NAV2: variants seen among roughly 807,000 people sequenced by gnomAD.
NAV2 encodes the protein neuron navigator 2, also known as helicase, APC down-regulated 1.
NAV2 carries 54 observed loss-of-function variants against 223.2 expected under a neutral mutation model. That is an observed-to-expected ratio of 0.24 (90% CI 0.19 to 0.30). NAV2 has a LOEUF of 0.30. NAV2 is among the 10% of genes least tolerant of loss of function. The probability of loss-of-function intolerance (pLI) is 1.00; values close to 1 mark genes in which losing one functional copy is unlikely to be tolerated. For missense variants in NAV2, 2,806 were observed against 3,147.5 expected (o/e 0.89, Z 2.60); for synonymous variants, 1,279 against 1,239.3 (o/e 1.03, Z -0.67).
intron 1 of NAV2, among the ~76,000 whole-genome samples, chr11:19,436,307 C>A (rs983263726): frequency 6.6e-6 from 1 of 152,098 alleles, no homozygotes; most frequent in Admixed American, 6.6e-5. Context: ...GTCCAGTTAT[C>A]CGAAAATTGT....
intron 1 of NAV2, among the ~76,000 whole-genome samples, chr11:19,656,753 A>C (rs1246519842): frequency 6.6e-6 from 1 of 152,198 alleles, no homozygotes; most frequent in Non-Finnish European, 1.5e-5. Context: ...TGTGAGAAGC[A>C]ATGCTCTAGG....
Position 19,832,606 on chromosome 11 carries a change from G to T in NAV2, c.385+5G>T. On this transcript the variant is annotated splice_donor_5th_base_variant and intron_variant, in intron 2 of 37. Transcript: ENST00000349880. ...CCCAGATTATCCAGGTTGTGGGTAA[G>T]AGCAGATTTTACCTTGGGGGTAATG... is the stretch of plus-strand genomic sequence containing the variant. The T allele has an allele frequency of 6.2e-7, 1 of 1,611,888 alleles. No individual in the cohort carries two copies. Among genetic ancestry groups the T allele is most frequent in the South Asian group, 1.1e-5 (1 of 91,040 alleles).
chr11:19,622,897 G>T (rs1320776978), intron 1 of NAV2, among the ~76,000 whole-genome samples: 6 of 152,104 alleles, frequency 3.9e-5, no homozygotes, highest in Non-Finnish European at 7.4e-5. Context: ...TTGCAGTGGT[G>T]GGTACCGGTT....
intron 1 of NAV2, among the ~76,000 whole-genome samples, chr11:19,400,818 C>A (rs1849653126): frequency 6.6e-6 from 1 of 152,184 alleles, no homozygotes; most frequent in Non-Finnish European, 1.5e-5. Context: ...ATGGCTCCAA[C>A]TTGACCTTTT....
chr11:19,433,287 T>G (rs1851099242), intron 1 of NAV2, among the ~76,000 whole-genome samples: 1 of 152,114 alleles, frequency 6.6e-6, no homozygotes, highest in Non-Finnish European at 1.5e-5. Flanking sequence ...AATGTGTTAC[T>G]TCATTAAGTG....
At chr11:20,071,106 G>C (rs1591978360) in intron 22 of NAV2, among the ~76,000 whole-genome samples, 32 of 128,420 alleles carry the variant, frequency 2.5e-4, no homozygotes, top group Admixed American at 4.2e-4. Flanking sequence ...CCCTCCCCTA[G>C]CCCCCCACCC....
At chr11:19,621,670 C>T (rs529128333) in intron 1 of NAV2, among the ~76,000 whole-genome samples, 78 of 152,066 alleles carry the variant, frequency 5.1e-4, no homozygotes, top group Middle Eastern at 3.4e-3. Flanking sequence ...GTCTTGCTAG[C>T]GGTCTATCAA....
chr11:19,859,594 C>T (rs2061577171), intron 3 of NAV2, among the ~76,000 whole-genome samples: 2 of 152,056 alleles, frequency 1.3e-5, no homozygotes, highest in Admixed American at 1.3e-4. Context: ...CCCACCTTTC[C>T]CCCCTTTCTA....
At chr11:20,062,284 A>G (rs1373371087) in intron 19 of NAV2, 23 bp from the exon 20 acceptor site, 1 of 1,572,604 alleles carries the variant, frequency 6.4e-7, no homozygotes. Context: ...CTATCAATTC[A>G]CCTTTTTTTT....
At chr11:20,049,357 A>G (rs2057755638) in intron 15 of NAV2, 162 bp downstream of exon 15, 4 of 628,748 alleles carry the variant, frequency 6.4e-6, no homozygotes, top group Non-Finnish European at 1.1e-5. Context: ...GATGGAATCA[A>G]GCTTGGCTCT....
At chr11:19,481,708 A>G (rs901565) in intron 1 of NAV2, among the ~76,000 whole-genome samples, 139,454 of 152,214 alleles carry the variant, frequency 0.92, 65,157 homozygotes, top group East Asian at 1. Flanking sequence ...GCTGCTCTTC[A>G]GATTGTTAAA....
chr11:19,595,937 C>G (rs530632194), intron 1 of NAV2, among the ~76,000 whole-genome samples: 1 of 152,304 alleles, frequency 6.6e-6, no homozygotes, highest in South Asian at 2.1e-4. Context: ...ATTCCGCTCC[C>G]AAACACACTT....
At chr11:19,759,048 A>G (rs957898115) in intron 1 of NAV2, among the ~76,000 whole-genome samples, 12 of 150,870 alleles carry the variant, frequency 8.0e-5, no homozygotes, top group African/African-American at 2.9e-4. Context: ...CTTCTGTGCA[A>G]TTGATCAGAA....
intron 31 of NAV2, among the ~76,000 whole-genome samples, chr11:20,099,547 A>G: frequency 6.6e-6 from 1 of 152,122 alleles, no homozygotes; most frequent in Middle Eastern, 3.2e-3. Context: ...TTAGCACCTC[A>G]AGGGATCAGC....
intron 1 of NAV2, among the ~76,000 whole-genome samples, chr11:19,707,810 T>C (rs1053364154): frequency 6.6e-6 from 1 of 152,234 alleles, no homozygotes; most frequent in Non-Finnish European, 1.5e-5. Flanking sequence ...ATGAGTACTG[T>C]GTTGCACTAC....
At chr11:19,895,170 C>T (rs2041871866) in intron 6 of NAV2, among the ~76,000 whole-genome samples, 1 of 122,850 alleles carries the variant, frequency 8.1e-6, no homozygotes, top group Non-Finnish European at 1.6e-5. Flanking sequence ...AGTGCAGTGG[C>T]ACAGTCTTAG....
chr11:19,391,440 C>T (rs1849244538), intron 1 of NAV2, among the ~76,000 whole-genome samples: 1 of 152,216 alleles, frequency 6.6e-6, no homozygotes, highest in African/African-American at 2.4e-5. Context: ...GTTAAACCCC[C>T]AGTGAGTTCT....
chr11:19,748,078 T>A (rs1007279097), intron 1 of NAV2, among the ~76,000 whole-genome samples: 25 of 152,112 alleles, frequency 1.6e-4, no homozygotes, highest in African/African-American at 6.0e-4. Flanking sequence ...GGCTCTGATG[T>A]CAAACGAGGC....
At chr11:19,922,911 G>A (rs1013246293) in intron 6 of NAV2, among the ~76,000 whole-genome samples, 5 of 152,174 alleles carry the variant, frequency 3.3e-5, no homozygotes, top group African/African-American at 1.2e-4. Flanking sequence ...CCACGTCTCT[G>A]TAGTGAGTCA....
Sources: gnomAD v4.1 joint callset for allele counts (sites outside exome capture counted in the v4.1 genomes callset) on GRCh38, gnomAD v4.1.1 for gene constraint, MANE v1.5 for transcripts, NCBI Gene and HGNC (gene_info 2026-07-23, HGNC 2026-07-21) for gene names.